The following ZFHX3 variants were observed in gnomAD, a reference collection of about 807,000 sequenced individuals.
ZFHX3 encodes the protein zinc finger homeobox protein 3.
Under a neutral mutation model 279.1 loss-of-function variants are expected in ZFHX3, and 42 were observed. The ratio of observed to expected loss-of-function variants is 0.15; its 90% CI spans 0.12 to 0.19. The LOEUF (loss-of-function observed/expected upper bound fraction) is 0.19, where lower values mean the gene tolerates loss of function less well. ZFHX3 is among the 10% of genes least tolerant of loss of function. ZFHX3 has a pLI of 1.00. For missense variants in ZFHX3, 4,981 were observed against 4,754.0 expected, an observed-to-expected ratio of 1.05 and a Z score of -1.40; for synonymous variants, 2,293 against 1,957.8, an observed-to-expected ratio of 1.17 and a Z score of -4.52.
intron 3 of ZFHX3, among the ~76,000 whole-genome samples, chr16:73,380,069 A>C (rs549582206): frequency 1.3e-5 from 2 of 152,346 alleles, no homozygotes; most frequent in South Asian, 4.1e-4. Flanking sequence ...GCACAAGAGA[A>C]AGCAAAAGTA....
rs1165145730 is a variant in ZFHX3, at chr16:72,950,525, T to C, written c.3160A>G (p.Lys1054Glu). 1 of 1,614,106 alleles carries C rather than the reference T, an allele frequency of 6.2e-7. No individual in the cohort carries two copies. Among genetic ancestry groups the C allele is most frequent in the Non-Finnish European group, 8.5e-7 (1 of 1,180,052 alleles). Residue 1054 changes from lysine (K) to glutamate (E), a missense_variant, in exon 3 of 10, where the codon AAG (lysine) becomes GAG (glutamate). Transcript: ENST00000268489. The stretch of plus-strand genomic sequence containing the variant: ...GAGTTGACCGTGTGCAGCCGCAGCT[T>C]CTCCAGGCTGTTGGTGTAGTAGTCA... ...ACDYYTNSLE[K>E]LRLHTVNSRH...
At chr16:73,002,533 C>A (rs1207103930) in intron 1 of ZFHX3, among the ~76,000 whole-genome samples, 1 of 152,176 alleles carries the variant, frequency 6.6e-6, no homozygotes, top group Non-Finnish European at 1.5e-5. Flanking sequence ...ATCAGAAAGA[C>A]AGCACACACA....
intron 5 of ZFHX3, among the ~76,000 whole-genome samples, chr16:73,156,608 T>G (rs776665528): frequency 6.6e-6 from 1 of 152,136 alleles, no homozygotes; most frequent in South Asian, 2.1e-4. Context: ...CAAGCTGCAG[T>G]GCAGTGGGGT....
intron 3 of ZFHX3, among the ~76,000 whole-genome samples, chr16:73,412,705 G>A (rs948337139): frequency 1.3e-5 from 2 of 152,178 alleles, no homozygotes; most frequent in Non-Finnish European, 2.9e-5. Context: ...GTGGGCTGGC[G>A]GGAGATACAA....
intron 3 of ZFHX3, among the ~76,000 whole-genome samples, chr16:72,944,985 T>A (rs1214408714): frequency 1.3e-5 from 2 of 152,090 alleles, no homozygotes; most frequent in African/African-American, 4.8e-5. Flanking sequence ...ACTAATAAGA[T>A]TTCAGTTCCA....
At chr16:72,822,479 A>T (rs188042386) in intron 5 of ZFHX3, among the ~76,000 whole-genome samples, 7 of 152,288 alleles carry the variant, frequency 4.6e-5, no homozygotes, top group African/African-American at 1.2e-4. Flanking sequence ...ACCCAAGAAG[A>T]ATATGAGAAC....
intron 2 of ZFHX3, among the ~76,000 whole-genome samples, chr16:73,635,368 T>C (rs2052518099): frequency 6.6e-6 from 1 of 152,190 alleles, no homozygotes; most frequent in Non-Finnish European, 1.5e-5. Flanking sequence ...ACTACTCAAC[T>C]ATCTGCCAGA....
intron 3 of ZFHX3, among the ~76,000 whole-genome samples, chr16:73,390,024 C>T (rs1466678680): frequency 6.6e-6 from 1 of 152,170 alleles, no homozygotes; most frequent in Non-Finnish European, 1.5e-5. Context: ...TGCACCACTG[C>T]ACTCCAGCCT....
At chr16:73,130,506 G>A (rs1010021990) in intron 7 of ZFHX3, among the ~76,000 whole-genome samples, 7 of 152,216 alleles carry the variant, frequency 4.6e-5, no homozygotes, top group African/African-American at 1.7e-4. Context: ...GAGTGACACT[G>A]GCGTGGAGCC....
intron 2 of ZFHX3, among the ~76,000 whole-genome samples, chr16:73,653,369 A>C (rs2052689982): frequency 6.6e-6 from 1 of 152,208 alleles, no homozygotes; most frequent in Admixed American, 6.5e-5. Context: ...ACTTCTAAGA[A>C]CTGAAATTAT....
At chr16:73,766,312 C>A (rs1303656170) in intron 1 of ZFHX3, among the ~76,000 whole-genome samples, 1 of 152,150 alleles carries the variant, frequency 6.6e-6, no homozygotes, top group African/African-American at 2.4e-5. Context: ...GATATTTTAA[C>A]TTAAAATCTC....
Position 72,787,257 on chromosome 16 carries a change from G to A in ZFHX3, c.11019C>T (p.Asp3673=), listed in dbSNP as rs145799976. 1.5e-5 allele frequency: 25 copies of A among 1,613,946 alleles called. No homozygotes were observed. Among genetic ancestry groups the A allele is most frequent in the Middle Eastern group, 1.6e-4 (1 of 6,084 alleles). Residue 3673 remains aspartate, a synonymous_variant, in exon 10 of 10, where the codon GAC becomes GAT. Coordinates refer to ENST00000268489, the MANE Select transcript of ZFHX3 (RefSeq NM_006885.4). The part of the protein sequence containing the change: ...ESDTDLSQKS[D]GPASPVEGPK... ...GACCCTCCACCGGGCTCGCCGGTCC[G>A]TCGGACTTTTGGCTGAGATCCGTGT...
At chr16:72,907,603 GTGT>G (rs1393506403) in intron 3 of ZFHX3, among the ~76,000 whole-genome samples, 1 of 135,126 alleles carries the variant, frequency 7.4e-6, no homozygotes, top group African/African-American at 2.8e-5. Flanking sequence ...GTGTGTGTGT[GTGT>G]TGTGTGTATG....
chr16:73,638,580 G>C (rs1202480794), intron 2 of ZFHX3, among the ~76,000 whole-genome samples: 2 of 152,092 alleles, frequency 1.3e-5, no homozygotes, highest in African/African-American at 4.8e-5. Context: ...CTAGTATTTT[G>C]TATGCTTACA....
intron 2 of ZFHX3, among the ~76,000 whole-genome samples, chr16:73,619,413 G>A (rs990670092): frequency 2.0e-5 from 3 of 151,638 alleles, no homozygotes; most frequent in East Asian, 1.9e-4. Context: ...GCATGAACCC[G>A]GGAGGCAGAG....
chr16:73,652,455 T>C (rs2052681081), intron 2 of ZFHX3, among the ~76,000 whole-genome samples: 1 of 152,192 alleles, frequency 6.6e-6, no homozygotes, highest in Non-Finnish European at 1.5e-5. Flanking sequence ...CACTGGAATA[T>C]TCTCACTAAA....
chr16:73,861,984 T>G (rs1419879250), intron 1 of ZFHX3, among the ~76,000 whole-genome samples: 1 of 152,220 alleles, frequency 6.6e-6, no homozygotes, highest in Non-Finnish European at 1.5e-5. Flanking sequence ...TTCCACATTT[T>G]GAAAGTTATC....
chr16:73,342,462 C>T (rs11859285), intron 3 of ZFHX3, among the ~76,000 whole-genome samples: 22,745 of 152,094 alleles, frequency 0.15, 3,749 homozygotes, highest in African/African-American at 0.39. Flanking sequence ...AACGATGGTG[C>T]AATCAGACAG....
chr16:73,608,630 G>A (rs1036943229), intron 2 of ZFHX3: 3 of 151,934 alleles, frequency 2.0e-5, no homozygotes, highest in African/African-American at 4.8e-5. Flanking sequence ...GGAGAAATGC[G>A]TTCTCGTGTC....
Sources: allele counts gnomAD v4.1 joint callset (sites outside exome capture counted in the v4.1 genomes callset), GRCh38; gene constraint gnomAD v4.1.1; transcripts MANE v1.5; gene names NCBI Gene and HGNC (gene_info 2026-07-23, HGNC 2026-07-21).